Variants in NTAQ1 observed in about 807,000 individuals in gnomAD.
NTAQ1 encodes protein N-terminal glutamine amidohydrolase.
NTAQ1 carries 21 observed loss-of-function variants against 28.2 expected under a neutral mutation model. The observed-to-expected ratio is 0.74, with a 90% CI of 0.53 to 1.07. The LOEUF is 1.07. NTAQ1 is among the 50% of genes least tolerant of loss of function. The probability of loss-of-function intolerance (pLI) is 0.00; values close to 1 mark genes in which losing one functional copy is unlikely to be tolerated. For synonymous variants in NTAQ1, 105 were observed against 90.0 expected (o/e 1.17, Z -0.94); for missense variants, 264 against 256.6 (o/e 1.03, Z -0.20).
intron 4 of NTAQ1, 135 bp from the exon 5 acceptor site, chr8:123,437,075 T>G: frequency 1.7e-6 from 2 of 1,173,872 alleles, no homozygotes; most frequent in Admixed American, 5.0e-5. Context: ...GTAGTAAAGT[T>G]GCCTGTATTA....
At chr8:123,442,596 G>GA (rs80278009), downstream of NTAQ1, among the ~76,000 whole-genome samples, 29,929 of 124,476 alleles carry the variant, frequency 0.24, 3,710 homozygotes, top group African/African-American at 0.29. Context: ...CTCCATCTCA[G>GA]AAAAAAAAAA....
At chr8:123,440,582 C>T (rs1280731866) in intron 5 of NTAQ1, among the ~76,000 whole-genome samples, 7 of 151,718 alleles carry the variant, frequency 4.6e-5, no homozygotes, top group Non-Finnish European at 8.8e-5. Context: ...TCATTACACC[C>T]TCCAACTCCC....
At chr8:123,468,549 G>T (rs1816007614) in exon 7 of NTAQ1, among the ~76,000 whole-genome samples, 1 of 152,146 alleles carries the variant, frequency 6.6e-6, no homozygotes, top group Non-Finnish European at 1.5e-5. Flanking sequence ...TTATTTTGAA[G>T]GACTGAATAA....
chr8:123,447,323 A>T lies in NTAQ1; in HGVS notation c.*83-724A>T, dbSNP rs187194199. Among the ~76,000 whole-genome samples the T allele has an allele frequency of 2.0e-5, 3 of 149,294 alleles. No homozygotes were observed. In the Admixed American group the frequency reaches 2.1e-4, roughly 10 times the overall value. ...CATATTACAAGGTTAACTTTTATTT[A>T]TAATTAATATATGAACGTGTTCTTT... On this transcript the variant is annotated intron_variant, in intron 6 of 6. Transcript: ENST00000524254.
intron 1 of NTAQ1, among the ~76,000 whole-genome samples, chr8:123,423,870 T>TTTATTA (rs71310681): frequency 8.0e-5 from 12 of 149,538 alleles, no homozygotes; most frequent in East Asian, 3.9e-4. Context: ...CTTTGTAGTT[T>TTTATTA]TTATTATTAT....
intron 6 of NTAQ1, among the ~76,000 whole-genome samples, chr8:123,459,642 A>G (rs1815760007): frequency 6.6e-6 from 1 of 152,118 alleles, no homozygotes; most frequent in Non-Finnish European, 1.5e-5. Flanking sequence ...CCTATTACTC[A>G]GGAAATCAAA....
chr8:123,429,607 A>G (rs1438594630), intron 2 of NTAQ1, among the ~76,000 whole-genome samples: 2 of 151,980 alleles, frequency 1.3e-5, no homozygotes, highest in African/African-American at 4.8e-5. Flanking sequence ...GCTCACGCCT[A>G]TAATCCCAGC....
At chr8:123,430,240 A>G (rs545209019) in intron 3 of NTAQ1, among the ~76,000 whole-genome samples, 1 of 152,332 alleles carries the variant, frequency 6.6e-6, no homozygotes, top group African/African-American at 2.4e-5. Flanking sequence ...TTTTGAAATT[A>G]TTATAGGAAT....
chr8:123,417,759 T>C (rs1055598454), intron 1 of NTAQ1, among the ~76,000 whole-genome samples: 32 of 152,228 alleles, frequency 2.1e-4, no homozygotes, highest in African/African-American at 5.8e-4. Context: ...TCGGCCCTGA[T>C]TGCATGTCAG....
rs765466550 is a variant in NTAQ1 at position 123,437,298 on chromosome 8, G to C, written c.472G>C (p.Glu158Gln). Residue 158 changes from glutamate to glutamine, a missense_variant, in exon 5 of 6, where the codon GAG becomes CAG. By Grantham distance (29) the Glu-to-Gln change is conservative. Coordinates refer to ENST00000287387, the MANE Select transcript of NTAQ1 (RefSeq NM_018024.3). ...HMKDSSGNWREPPPPYPCIET... is the reference protein window; with the variant it reads ...HMKDSSGNWRQPPPPYPCIET... ...GAAAGACTCCAGTGGGAATTGGAGA[G>C]AGCCTCCGCCGCCATATCCCTGCAT... The C allele has an allele frequency of 1.9e-6, 3 of 1,614,140 alleles. No individual in the cohort carries two copies. The South Asian group carries it at 3.3e-5, about 18-fold the overall frequency.
exon 7 of NTAQ1, among the ~76,000 whole-genome samples, chr8:123,469,195 C>A (rs1310136139): frequency 6.6e-6 from 1 of 152,078 alleles, no homozygotes; most frequent in African/African-American, 2.4e-5. Flanking sequence ...TTGATTGTAT[C>A]TTTTGGTGCA....
At chr8:123,440,077 G>A (rs1294734767) in intron 5 of NTAQ1, among the ~76,000 whole-genome samples, 1 of 144,700 alleles carries the variant, frequency 6.9e-6, no homozygotes, top group African/African-American at 2.6e-5. Context: ...TCAGTATATT[G>A]CTCCTACCTT....
chr8:123,423,245 C>CTCCCTCCT lies in NTAQ1; in HGVS notation c.84-4669_84-4662dup, dbSNP rs1813823712. Among the ~76,000 whole-genome samples, 3 of 139,472 alleles carry CTCCCTCCT rather than the reference C, an allele frequency of 2.2e-5. No homozygotes were observed. In the South Asian group the frequency reaches 6.5e-4, roughly 30 times the overall value. 91.5% of individuals were successfully genotyped at this position (139,472 alleles called of 152,430 possible). A position where few individuals can be genotyped will look rare whatever the true frequency, so the allele number is the denominator to read the frequency against. On this transcript the variant is annotated intron_variant, in intron 1 of 5. Transcript: ENST00000287387. ...CTTCCTTCCCTCTCTCCCTCCTTCC[C>CTCCCTCCT]TCCCTCCTTCCCTCCTTTCTTTCTG...
At chr8:123,448,955 C>T (rs896500331), downstream of NTAQ1, among the ~76,000 whole-genome samples, 3 of 152,170 alleles carry the variant, frequency 2.0e-5, no homozygotes, top group African/African-American at 7.2e-5. Context: ...CTGAGAGGAC[C>T]AGACTAGATG....
At chr8:123,423,593 TG>T (rs997943972) in intron 1 of NTAQ1, among the ~76,000 whole-genome samples, 6 of 152,086 alleles carry the variant, frequency 3.9e-5, no homozygotes, top group African/African-American at 1.2e-4. Context: ...TTGTTTCAGC[TG>T]TGACTCCTTG....
intron 1 of NTAQ1, among the ~76,000 whole-genome samples, chr8:123,426,119 G>T (rs1300780647): frequency 1.3e-5 from 2 of 152,204 alleles, no homozygotes; most frequent in Admixed American, 1.3e-4. Flanking sequence ...AAAGGTGCGT[G>T]TATCTTACTA....
chr8:123,444,519 C>T (rs1173730694), downstream of NTAQ1, among the ~76,000 whole-genome samples: 3 of 151,128 alleles, frequency 2.0e-5, no homozygotes, highest in Middle Eastern at 3.2e-3. Context: ...AAAAAATTTT[C>T]TTTTTGAGAG....
Position 123,437,403 on chromosome 8 carries a change from G to A in NTAQ1, c.508+69G>A, listed in dbSNP as rs575949789. On this transcript the variant is annotated intron_variant, in intron 5 of 5. Coordinates refer to ENST00000287387, the MANE Select transcript of NTAQ1 (RefSeq NM_018024.3). Reference sequence around the variant, plus strand: ...ATACACATCAGCATTTTTCCTTAACGGAGGACAAAAGTCAGGTTGTTCTTT... The same window carrying A: ...ATACACATCAGCATTTTTCCTTAACAGAGGACAAAAGTCAGGTTGTTCTTT... 6.2e-5 allele frequency: 98 copies of A among 1,582,924 alleles called. No individual in the cohort carries two copies. The East Asian group carries it at 1.3e-3, about 21-fold the overall frequency.
chr8:123,436,408 T>C lies in NTAQ1; in HGVS notation c.235-45T>C, dbSNP rs112450270. 7,842 of 1,593,546 alleles carry C rather than the reference T, an allele frequency of 4.9e-3. 28 individuals are homozygous for C. Among genetic ancestry groups the C allele is most frequent in the Non-Finnish European group, 5.3e-3 (6,171 of 1,164,300 alleles). On this transcript the variant is annotated intron_variant, in intron 3 of 5. Transcript: ENST00000287387. ...TATGTGTCTGAATACTGGGATTTCA[T>C]CATTATGAAGTAACTTGGTTAACTT... is the stretch of plus-strand genomic sequence containing the variant.
Sources: gnomAD v4.1 joint callset for allele counts (sites outside exome capture counted in the v4.1 genomes callset) on GRCh38, gnomAD v4.1.1 for gene constraint, MANE v1.5 for transcripts, NCBI Gene and HGNC (gene_info 2026-07-23, HGNC 2026-07-21) for gene names.